RALGAPA2: variants seen among roughly 807,000 people sequenced by gnomAD.
RALGAPA2 encodes the protein Ral GTPase activating protein catalytic subunit alpha 2.
Under a neutral mutation model 230.4 loss-of-function variants are expected in RALGAPA2, and 139 were observed. The ratio of observed to expected loss-of-function variants is 0.60; its 90% CI spans 0.53 to 0.69. The LOEUF (loss-of-function observed/expected upper bound fraction) is 0.69, where lower values mean the gene tolerates loss of function less well. Ranked by LOEUF, RALGAPA2 falls within the 30% of genes least tolerant of loss-of-function variation. The pLI is 0.00. For missense variants in RALGAPA2, 2,163 were observed against 2,276.0 expected, an observed-to-expected ratio of 0.95 and a Z score of 1.01; for synonymous variants, 847 against 837.8, an observed-to-expected ratio of 1.01 and a Z score of -0.19.
In RALGAPA2 at chr20:20,653,195, C is replaced by CAAAAAAAAAA. The variant is rs60906434; in HGVS notation, c.328+325_328+334dup. Among the ~76,000 whole-genome samples the CAAAAAAAAAA allele has an allele frequency of 5.1e-3, 140 of 27,534 alleles. 5 individuals carry two copies. Among genetic ancestry groups the CAAAAAAAAAA allele is most frequent in the Non-Finnish European group, 8.2e-3 (107 of 13,040 alleles). The allele number at this position is 27,534 out of a possible 152,430, so 18.1% of individuals were successfully genotyped here. A position where few individuals can be genotyped will look rare whatever the true frequency, so the allele number is the denominator to read the frequency against. On this transcript the variant is annotated intron_variant, in intron 4 of 39. Transcript: ENST00000202677. Reference sequence around the variant, plus strand: ...TAGGCGACAGAGCAAGACTCCATCTCAAAAAAAAAAAAAAAAAAAAAAAAA... The same window carrying CAAAAAAAAAA: ...TAGGCGACAGAGCAAGACTCCATCTCAAAAAAAAAAAAAAAAAAAAAAAAAAAAAAAAAAA...
At chr20:20,512,251 AC>A (rs1249317561) in intron 32 of RALGAPA2, among the ~76,000 whole-genome samples, 1 of 151,832 alleles carries the variant, frequency 6.6e-6, no homozygotes, top group Non-Finnish European at 1.5e-5. Context: ...ACACACACAC[AC>A]ACACACACAC....
At chr20:20,451,280 T>C (rs889954289) in intron 37 of RALGAPA2, among the ~76,000 whole-genome samples, 1 of 152,224 alleles carries the variant, frequency 6.6e-6, no homozygotes, top group Non-Finnish European at 1.5e-5. Flanking sequence ...TGAATTCCTA[T>C]CTGTAGATCA....
At chr20:20,462,189 C>T (rs1357959562) in intron 37 of RALGAPA2, among the ~76,000 whole-genome samples, 1 of 152,096 alleles carries the variant, frequency 6.6e-6, no homozygotes, top group Non-Finnish European at 1.5e-5. Context: ...ACAAAAAGAC[C>T]ATCTGAACAT....
At chr20:20,397,257 C>T (rs891984032) in intron 38 of RALGAPA2, among the ~76,000 whole-genome samples, 1 of 152,188 alleles carries the variant, frequency 6.6e-6, no homozygotes, top group Non-Finnish European at 1.5e-5. Context: ...GTGTCACCTG[C>T]AATATGACAG....
At chr20:20,512,401 C>A (rs1290312065) in intron 32 of RALGAPA2, 112 bp downstream of exon 32, 2 of 1,111,808 alleles carry the variant, frequency 1.8e-6, no homozygotes, top group African/African-American at 1.6e-5. Context: ...AGAAAAATCT[C>A]CCTTCTCCTC....
rs772476212 is a variant in RALGAPA2, at chr20:20,393,165, G to A, written c.*124C>T. 1 of 1,356,922 alleles carries A rather than the reference G, an allele frequency of 7.4e-7. No individual in the cohort carries two copies. Among genetic ancestry groups the A allele is most frequent in the East Asian group, 4.6e-5 (1 of 21,566 alleles). 84.1% of individuals were successfully genotyped at this position (1,356,922 alleles called of 1,614,324 possible). ...ATTTCCTGGAGATTCTGGGTTTAGT[G>A]GCTCGGGGCAGAGGCAGGAGAGGGT... On this transcript the variant is annotated 3_prime_UTR_variant, in exon 40 of 40. Coordinates refer to ENST00000202677, the MANE Select transcript of RALGAPA2 (RefSeq NM_020343.4).
intron 33 of RALGAPA2, 111 bp from the exon 34 acceptor site, chr20:20,505,645 A>C (rs2062511583): frequency 1.1e-6 from 1 of 936,042 alleles, no homozygotes; most frequent in Non-Finnish European, 1.5e-6. Flanking sequence ...TTTACTGAGA[A>C]CCTGCTAGAG....
At chr20:20,543,441 A>T (rs2063701421) in intron 24 of RALGAPA2, among the ~76,000 whole-genome samples, 5 of 152,218 alleles carry the variant, frequency 3.3e-5, no homozygotes, top group Admixed American at 2.0e-4. Flanking sequence ...GTGTGTTTAT[A>T]GCGGCACTAT....
chr20:20,598,058 T>C (rs530637650), intron 16 of RALGAPA2, among the ~76,000 whole-genome samples: 5 of 152,304 alleles, frequency 3.3e-5, no homozygotes, highest in East Asian at 3.9e-4. Flanking sequence ...TTTGGTGCTA[T>C]GATATCTTAA....
intron 8 of RALGAPA2, 130 bp from the exon 9 acceptor site, chr20:20,635,747 G>A (rs1023212503): frequency 1.2e-5 from 9 of 743,832 alleles, no homozygotes; most frequent in African/African-American, 3.7e-5. Context: ...ATGAAGAACC[G>A]CAATTATTTA....
chr20:20,568,321 T>C (rs1420488156), intron 23 of RALGAPA2, among the ~76,000 whole-genome samples: 1 of 152,198 alleles, frequency 6.6e-6, no homozygotes, highest in Non-Finnish European at 1.5e-5. Flanking sequence ...GAAATACTAC[T>C]TGATAAATTC....
chr20:20,525,227 T>C lies in RALGAPA2; in HGVS notation c.3694-329A>G, dbSNP rs564686114. On this transcript the variant is annotated intron_variant, in intron 28 of 39. Coordinates refer to ENST00000202677, the MANE Select transcript of RALGAPA2 (RefSeq NM_020343.4). ...AGTAAAAAAATACTTCTAAAAATAA[T>C]TATGAAAATGCTCCCATTTTAGTTT... is the stretch of plus-strand genomic sequence containing the variant. Among the ~76,000 whole-genome samples, 3 of 152,344 alleles carry C rather than the reference T, an allele frequency of 2.0e-5. No homozygotes were observed. The South Asian group carries it at 6.2e-4, about 32-fold the overall frequency.
intron 1 of RALGAPA2, among the ~76,000 whole-genome samples, chr20:20,681,545 C>T (rs1339701088): frequency 1.3e-5 from 2 of 152,208 alleles, no homozygotes; most frequent in Non-Finnish European, 2.9e-5. Context: ...AGGGTAAAAC[C>T]TCACAATGCT....
intron 27 of RALGAPA2, 92 bp from the exon 28 acceptor site, chr20:20,526,454 A>G: frequency 7.5e-6 from 6 of 797,672 alleles, no homozygotes; most frequent in Non-Finnish European, 1.2e-5. Context: ...TCAGTTCCTT[A>G]TAGATTACAT....
At chr20:20,424,360 G>A (rs1051714137) in intron 37 of RALGAPA2, among the ~76,000 whole-genome samples, 5 of 152,174 alleles carry the variant, frequency 3.3e-5, no homozygotes, top group African/African-American at 1.2e-4. Flanking sequence ...CAAGTCTAGA[G>A]AAAGTGCTGT....
chr20:20,666,633 A>G (rs2067964006), intron 3 of RALGAPA2, among the ~76,000 whole-genome samples: 1 of 152,236 alleles, frequency 6.6e-6, no homozygotes, highest in African/African-American at 2.4e-5. Flanking sequence ...CAAAGCAGAG[A>G]AAAGCGCAGA....
chr20:20,464,969 T>C (rs1305999881), intron 37 of RALGAPA2, among the ~76,000 whole-genome samples: 2 of 152,116 alleles, frequency 1.3e-5, no homozygotes, highest in Non-Finnish European at 1.5e-5. Flanking sequence ...TTAATGTATA[T>C]TTATATACAT....
intron 1 of RALGAPA2, among the ~76,000 whole-genome samples, chr20:20,701,258 A>G (rs964496568): frequency 8.5e-5 from 13 of 152,356 alleles, no homozygotes; most frequent in Admixed American, 8.5e-4. Flanking sequence ...GGCAGATTAA[A>G]TGCATTAATA....
At chr20:20,536,836 C>T (rs2063511483) in intron 24 of RALGAPA2, 52 bp from the exon 25 acceptor site, 11 of 1,557,018 alleles carry the variant, frequency 7.1e-6, no homozygotes, top group South Asian at 3.5e-5. Context: ...AAGTTAGAAA[C>T]GTTAAATAAG....
Sources: allele counts gnomAD v4.1 joint callset (sites outside exome capture counted in the v4.1 genomes callset), GRCh38; gene constraint gnomAD v4.1.1; transcripts MANE v1.5; gene names NCBI Gene and HGNC (gene_info 2026-07-23, HGNC 2026-07-21).